C12orf42: variants seen among roughly 807,000 people sequenced by gnomAD.
C12orf42 encodes the protein chromosome 12 open reading frame 42.
Under a neutral mutation model 21.6 loss-of-function variants are expected in C12orf42, and 25 were observed. That is an observed-to-expected ratio of 1.16 (90% CI 0.84 to 1.62). The LOEUF (loss-of-function observed/expected upper bound fraction) is 1.62. C12orf42 is among the 40% of genes most tolerant of loss of function. The probability of loss-of-function intolerance (pLI) is 0.00; values close to 1 mark genes in which losing one functional copy is unlikely to be tolerated. For missense variants in C12orf42, 483 were observed against 459.3 expected (o/e 1.05, Z -0.47); for synonymous variants, 174 against 175.0 (o/e 0.99, Z 0.05).
At chr12:103,312,133 T>A (rs912565769) in intron 4 of C12orf42, among the ~76,000 whole-genome samples, 1 of 152,210 alleles carries the variant, frequency 6.6e-6, no homozygotes, top group Admixed American at 6.5e-5. Flanking sequence ...GGCTTACTTA[T>A]GTTACTGAGG....
chr12:103,133,500 C>T, the C12orf42 span, among the ~76,000 whole-genome samples: 1 of 152,180 alleles, frequency 6.6e-6, no homozygotes, highest in African/African-American at 2.4e-5. Context: ...CCCAAGGACT[C>T]ACCTGGCATC....
intron 1 of C12orf42, among the ~76,000 whole-genome samples, chr12:103,494,352 T>C (rs1165983080): frequency 6.6e-6 from 1 of 152,220 alleles, no homozygotes; most frequent in Non-Finnish European, 1.5e-5. Context: ...ACAAGAAGTT[T>C]TCTGTACGCC....
the C12orf42 span, among the ~76,000 whole-genome samples, chr12:103,057,922 G>C: frequency 6.7e-6 from 1 of 149,336 alleles, no homozygotes; most frequent in African/African-American, 2.5e-5. Flanking sequence ...CCTCATTGTA[G>C]TTTTGATTTG....
chr12:103,067,542 T>C, the C12orf42 span, among the ~76,000 whole-genome samples: 1,797 of 152,222 alleles, frequency 0.012, 42 homozygotes, highest in African/African-American at 0.041. Context: ...GTACTTTCTG[T>C]TTCTCCCATA....
intron 4 of C12orf42, among the ~76,000 whole-genome samples, chr12:103,326,097 T>C (rs2040670408): frequency 2.0e-5 from 3 of 152,302 alleles, no homozygotes; most frequent in Middle Eastern, 3.4e-3. Flanking sequence ...GAGGTTATCA[T>C]TACCCTCCAT....
Position 103,302,238 on chromosome 12 carries a change from G to A in C12orf42, c.953C>T (p.Ala318Val), listed in dbSNP as rs991826504. 1 of 1,612,032 alleles carries A rather than the reference G, an allele frequency of 6.2e-7. No individual in the cohort carries two copies. Among genetic ancestry groups the A allele is most frequent in the Non-Finnish European group, 8.5e-7 (1 of 1,179,038 alleles). ...CCTCTTGGAGGGGAAATGGGTGGAA[G>A]CACCGGCCAGCAGAGGAAGGGGCGC... Reference protein sequence around the residue: ...AGAPLPLLAGASTHFPSKRLI... With the variant: ...AGAPLPLLAGVSTHFPSKRLI... The change falls in exon 6 of 6, where the codon GCT becomes GTT. Residue 318 changes from alanine (A) to valine (V), a missense_variant. Transcript: ENST00000548883.
At position 103,474,839 on chromosome 12, in the gene C12orf42, G is replaced by C. The variant is rs78066773; in HGVS notation, c.78+3510C>G. On this transcript the variant is annotated intron_variant, in intron 2 of 5. Coordinates refer to ENST00000548883, the MANE Select transcript of C12orf42 (RefSeq NM_198521.5). ...TGGGTTCTGCCTTCATGAACTGTGG[G>C]AGAAGGAAAGGTAGCTGGATTTTGA... 9.0e-3 allele frequency among the ~76,000 whole-genome samples: 1,377 copies of C among 152,268 alleles called. 20 individuals carry two copies. The highest frequency in any genetic ancestry group is 0.027 in the African/African-American group (1,113 of 41,544).
At chr12:103,364,803 C>A (rs751077489) in intron 4 of C12orf42, among the ~76,000 whole-genome samples, 1 of 151,910 alleles carries the variant, frequency 6.6e-6, no homozygotes, top group Non-Finnish European at 1.5e-5. Context: ...AAACCCTGAA[C>A]AGAACAATAA....
chr12:103,107,540 A>G, the C12orf42 span, among the ~76,000 whole-genome samples: 1 of 151,950 alleles, frequency 6.6e-6, no homozygotes, highest in African/African-American at 2.4e-5. Context: ...GTGTTATTGA[A>G]GTTACAAAAT....
At chr12:103,499,482 T>C (rs574686565), upstream of C12orf42, among the ~76,000 whole-genome samples, 101 of 152,296 alleles carry the variant, frequency 6.6e-4, no homozygotes, top group African/African-American at 2.3e-3. Flanking sequence ...TAAGGAGTGA[T>C]GAGTGAGCCA....
intron 3 of C12orf42, among the ~76,000 whole-genome samples, chr12:103,398,362 G>C (rs920757945): frequency 6.6e-6 from 1 of 152,066 alleles, no homozygotes; most frequent in South Asian, 2.1e-4. Flanking sequence ...TTTCTACCCA[G>C]TTAACTATCT....
At chr12:103,459,675 C>A (rs1187428248) in intron 2 of C12orf42, among the ~76,000 whole-genome samples, 1 of 152,172 alleles carries the variant, frequency 6.6e-6, no homozygotes, top group Non-Finnish European at 1.5e-5. Flanking sequence ...TGGCCTAACA[C>A]AAATAGGTTG....
the C12orf42 span, among the ~76,000 whole-genome samples, chr12:103,117,743 G>A: frequency 6.6e-6 from 1 of 152,216 alleles, no homozygotes; most frequent in African/African-American, 2.4e-5. Context: ...GGGTAGAGGT[G>A]AAGATGAGTA....
In C12orf42 at chr12:103,302,169, C is replaced by A. The variant is rs780503004; in HGVS notation, c.1022G>T (p.Arg341Leu). The change falls in exon 6 of 6, where the codon CGT (arginine) becomes CTT (leucine). Residue 341 changes from arginine (R) to leucine (L), a missense_variant. Physicochemically the swap from Arg to Leu is moderately radical, Grantham distance 102. Coordinates refer to ENST00000548883, the MANE Select transcript of C12orf42 (RefSeq NM_198521.5). ...GGCCTGTGAACAAACCGTATGGAAACGCCGGGTTGGGCGGGGGGGTGCTGA... is the reference window on the plus strand; with the variant it reads ...GGCCTGTGAACAAACCGTATGGAAAAGCCGGGTTGGGCGGGGGGGTGCTGA... Reference protein sequence around the residue: ...CSSAPPRPTRRFHTVCSQALS... With the variant: ...CSSAPPRPTRLFHTVCSQALS... 1.9e-6 allele frequency: 3 copies of A among 1,612,766 alleles called. No homozygotes were observed. Among genetic ancestry groups the A allele is most frequent in the East Asian group, 2.2e-5 (1 of 44,864 alleles).
the C12orf42 span, among the ~76,000 whole-genome samples, chr12:103,181,001 C>T: frequency 9.2e-5 from 14 of 152,058 alleles, no homozygotes; most frequent in South Asian, 4.1e-4. Flanking sequence ...CGGTGGGTCA[C>T]GCCTGTAATC....
the C12orf42 span, among the ~76,000 whole-genome samples, chr12:103,106,075 T>A: frequency 6.6e-6 from 1 of 152,126 alleles, no homozygotes; most frequent in Non-Finnish European, 1.5e-5. Context: ...TACATCATAA[T>A]GAAACTGTAG....
At chr12:103,286,755 A>T (rs543044672) in intron 4 of C12orf42, among the ~76,000 whole-genome samples, 3 of 152,180 alleles carry the variant, frequency 2.0e-5, no homozygotes, top group African/African-American at 7.2e-5. Flanking sequence ...ATGGAAGCAA[A>T]TTGGAATAAG....
the C12orf42 span, among the ~76,000 whole-genome samples, chr12:103,137,219 A>T: frequency 6.6e-6 from 1 of 152,212 alleles, no homozygotes; most frequent in Non-Finnish European, 1.5e-5. Flanking sequence ...AAGGACATGA[A>T]TAGACATTTC....
chr12:103,098,165 C>T, the C12orf42 span, among the ~76,000 whole-genome samples: 10 of 152,198 alleles, frequency 6.6e-5, no homozygotes, highest in Non-Finnish European at 7.3e-5. Context: ...TTTATGGTTC[C>T]GCCATGGCCT....
Sources: gnomAD v4.1 joint callset for allele counts (sites outside exome capture counted in the v4.1 genomes callset) on GRCh38, gnomAD v4.1.1 for gene constraint, MANE v1.5 for transcripts, NCBI Gene and HGNC (gene_info 2026-07-23, HGNC 2026-07-21) for gene names.